Variants in REV3L observed in about 807,000 individuals in gnomAD.
REV3L encodes the protein DNA polymerase zeta catalytic subunit.
REV3L carries 69 observed loss-of-function variants against 299.4 expected under a neutral mutation model. The ratio of observed to expected loss-of-function variants is 0.23; its 90% CI spans 0.19 to 0.28. The LOEUF (loss-of-function observed/expected upper bound fraction) is 0.28, where lower values mean the gene tolerates loss of function less well. Among genes scored for constraint, REV3L ranks in the 10% least tolerant of loss-of-function variants. The pLI is 1.00. For missense variants in REV3L, 3,128 were observed against 3,693.8 expected, an observed-to-expected ratio of 0.85 and a Z score of 3.97; for synonymous variants, 1,238 against 1,271.4, an observed-to-expected ratio of 0.97 and a Z score of 0.56.
At chr6:111,426,895 C>T (rs1337939333) in intron 1 of REV3L, among the ~76,000 whole-genome samples, 1 of 152,114 alleles carries the variant, frequency 6.6e-6, no homozygotes, top group Non-Finnish European at 1.5e-5. Flanking sequence ...TCAGACTAAA[C>T]GTCATAAAAA....
intron 13 of REV3L, among the ~76,000 whole-genome samples, chr6:111,371,878 G>C (rs889463304): frequency 2.6e-5 from 4 of 151,710 alleles, no homozygotes; most frequent in African/African-American, 9.7e-5. Context: ...TTTTTGTAGA[G>C]AGAGAGTCTC....
intron 29 of REV3L, 132 bp from the exon 30 acceptor site, chr6:111,310,231 CTATTTCTTTGAGAATAA>C (rs1270246518): frequency 8.5e-7 from 1 of 1,182,972 alleles, no homozygotes; most frequent in African/African-American, 1.5e-5. Flanking sequence ...AACAGAATTA[CTATTTCTTTGAGAATAA>C]TATATATACA....
intron 2 of REV3L, among the ~76,000 whole-genome samples, chr6:111,415,293 A>C (rs1248210749): frequency 6.6e-6 from 1 of 152,196 alleles, no homozygotes; most frequent in Non-Finnish European, 1.5e-5. Flanking sequence ...GGCAGCCAGA[A>C]GAAGCCGGCA....
At chr6:111,304,244 A>C (rs1189307864) in intron 31 of REV3L, among the ~76,000 whole-genome samples, 1 of 149,860 alleles carries the variant, frequency 6.7e-6, no homozygotes, top group African/African-American at 2.5e-5. Flanking sequence ...TGCTTCATTA[A>C]AAATTTCTAC....
At chr6:111,439,372 G>A (rs1391241616) in intron 1 of REV3L, among the ~76,000 whole-genome samples, 1 of 152,128 alleles carries the variant, frequency 6.6e-6, no homozygotes, top group Non-Finnish European at 1.5e-5. Context: ...TTGTGCAAGG[G>A]GGACAAGAGG....
chr6:111,451,773 A>G (rs933366180), intron 1 of REV3L, among the ~76,000 whole-genome samples: 3 of 152,156 alleles, frequency 2.0e-5, no homozygotes, highest in Admixed American at 2.0e-4. Context: ...AAACTACAAG[A>G]AAACAGAAAA....
Position 111,374,201 on chromosome 6 carries a change from T to C in REV3L, c.4154A>G (p.Asn1385Ser). Residue 1385 changes from asparagine to serine, a missense_variant, in exon 13 of 32, where the codon AAT becomes AGT. Coordinates refer to ENST00000368802, the MANE Select transcript of REV3L (RefSeq NM_001372078.1). ...ATAGTTTCTTTGTATATTATTTGCA[T>C]TATCTTCTATCTTTGAGGACATACC... The part of the protein sequence containing the change: ...SSGMSSKIED[N>S]ANNIQRNYLS... The C allele has an allele frequency of 6.2e-7, 1 of 1,614,014 alleles. No individual in the cohort carries two copies. The highest frequency in any genetic ancestry group is 8.5e-7 in the Non-Finnish European group (1 of 1,179,896).
At position 111,348,727 on chromosome 6, in the gene REV3L, G is replaced by A. The variant is rs17511181; in HGVS notation, c.7419+491C>T. Among the ~76,000 whole-genome samples the A allele has an allele frequency of 6.6e-5, 10 of 152,268 alleles. No homozygotes were observed. In the East Asian group the frequency reaches 7.7e-4, roughly 12 times the overall value. Reference sequence around the variant, plus strand: ...TGCAGTGGCACAATCACAGCTCACCGCAACCTCGGCTGCCTGAGCTCAAGT... The same window carrying A: ...TGCAGTGGCACAATCACAGCTCACCACAACCTCGGCTGCCTGAGCTCAAGT... On this transcript the variant is annotated intron_variant, in intron 20 of 31. Coordinates refer to ENST00000368802, the MANE Select transcript of REV3L (RefSeq NM_001372078.1).
intron 26 of REV3L, among the ~76,000 whole-genome samples, chr6:111,319,783 T>C (rs1018063264): frequency 3.3e-5 from 5 of 151,878 alleles, no homozygotes; most frequent in African/African-American, 1.2e-4. Context: ...TCTAGGAGTA[T>C]AGCTAGAAAG....
At chr6:111,326,481 A>G (rs977079511) in intron 25 of REV3L, among the ~76,000 whole-genome samples, 1 of 152,138 alleles carries the variant, frequency 6.6e-6, no homozygotes, top group African/African-American at 2.4e-5. Context: ...GGATGTGGAG[A>G]AAGGGGAACC....
At chr6:111,480,584 CTA>C (rs1203827836) in intron 1 of REV3L, among the ~76,000 whole-genome samples, 7 of 152,018 alleles carry the variant, frequency 4.6e-5, no homozygotes, top group Non-Finnish European at 1.0e-4. Flanking sequence ...AGTGTAAACT[CTA>C]AATGTATGCC....
chr6:111,449,326 CCT>C (rs1789231906), intron 1 of REV3L, among the ~76,000 whole-genome samples: 1 of 152,126 alleles, frequency 6.6e-6, no homozygotes, highest in African/African-American at 2.4e-5. Flanking sequence ...TGGCAATCTC[CCT>C]GAGTTGAGGA....
chr6:111,449,086 T>C (rs1278261515), intron 1 of REV3L, among the ~76,000 whole-genome samples: 4 of 152,138 alleles, frequency 2.6e-5, no homozygotes, highest in African/African-American at 9.7e-5. Context: ...TAAAAACGAG[T>C]AGGCAGGGTT....
At chr6:111,336,058 A>G (rs1477200151) in intron 21 of REV3L, among the ~76,000 whole-genome samples, 2 of 122,232 alleles carry the variant, frequency 1.6e-5, no homozygotes, top group Non-Finnish European at 4.1e-5. Context: ...CACTATGTTC[A>G]TGGCAAAAAA....
At chr6:111,418,788 T>C (rs1216397916) in intron 1 of REV3L, among the ~76,000 whole-genome samples, 1 of 152,204 alleles carries the variant, frequency 6.6e-6, no homozygotes, top group Non-Finnish European at 1.5e-5. Context: ...TCCCATTTCA[T>C]GGCAAAAACT....
At chr6:111,475,714 T>A (rs1175303844) in intron 1 of REV3L, among the ~76,000 whole-genome samples, 1 of 152,180 alleles carries the variant, frequency 6.6e-6, no homozygotes, top group East Asian at 1.9e-4. Flanking sequence ...TACAAATAAG[T>A]TTTACTAGTC....
At chr6:111,381,820 T>G (rs929003018) in intron 9 of REV3L, among the ~76,000 whole-genome samples, 2 of 152,150 alleles carry the variant, frequency 1.3e-5, no homozygotes, top group Non-Finnish European at 1.5e-5. Context: ...ACAACAAATT[T>G]AGAATAAATG....
At chr6:111,451,846 GAA>G (rs36014006) in intron 1 of REV3L, among the ~76,000 whole-genome samples, 8 of 132,084 alleles carry the variant, frequency 6.1e-5, no homozygotes, top group South Asian at 2.3e-4. Flanking sequence ...ATCACGAAAG[GAA>G]AAAAAAAAAA....
At chr6:111,379,819 G>A (rs1780646695) in intron 11 of REV3L, among the ~76,000 whole-genome samples, 163 bp downstream of exon 11, 1 of 152,086 alleles carries the variant, frequency 6.6e-6, no homozygotes, top group African/African-American at 2.4e-5. Context: ...CTTGGAATAT[G>A]GAGTATACGC....
Sources: allele counts gnomAD v4.1 joint callset (sites outside exome capture counted in the v4.1 genomes callset), GRCh38; gene constraint gnomAD v4.1.1; transcripts MANE v1.5; gene names NCBI Gene and HGNC (gene_info 2026-07-23, HGNC 2026-07-21).